The following KMT2C variants were observed in gnomAD, a reference collection of about 807,000 sequenced individuals.
KMT2C encodes lysine methyltransferase 2C, also known as histone-lysine N-methyltransferase 2C.
In KMT2C, 88 loss-of-function variants were observed where a neutral mutation model predicts 507.9. That is an observed-to-expected ratio of 0.17 (90% CI 0.15 to 0.21). The LOEUF (loss-of-function observed/expected upper bound fraction) is 0.21, where lower values mean the gene tolerates loss of function less well. Among genes scored for constraint, KMT2C ranks in the 10% least tolerant of loss-of-function variants. The pLI is 1.00. For synonymous variants in KMT2C, 2,049 were observed against 2,080.8 expected, an observed-to-expected ratio of 0.98 and a Z score of 0.42; for missense variants, 4,954 against 5,957.8, an observed-to-expected ratio of 0.83 and a Z score of 5.55.
intron 3 of KMT2C, among the ~76,000 whole-genome samples, chr7:152,321,403 T>A (rs2129206313): frequency 6.6e-6 from 1 of 151,890 alleles, no homozygotes; most frequent in Non-Finnish European, 1.5e-5. Flanking sequence ...TTCAATATAT[T>A]ACTGGAAGTC....
intron 11 of KMT2C, 22 bp from the exon 12 acceptor site, chr7:152,250,988 C>A (rs1353250852): frequency 7.5e-7 from 1 of 1,340,520 alleles, no homozygotes; most frequent in Non-Finnish European, 1.1e-6. Flanking sequence ...ATTATTAATT[C>A]TTTAGCTCAG....
chr7:152,301,727 GATAC>G (rs1202469048), intron 6 of KMT2C, among the ~76,000 whole-genome samples: 1 of 151,562 alleles, frequency 6.6e-6, no homozygotes, highest in African/African-American at 2.4e-5. Context: ...GAAAATGAGG[GATAC>G]ATACTTTAAG....
chr7:152,274,019 A>G (rs2096027720), intron 6 of KMT2C, 152 bp from the exon 7 acceptor site: 10 of 678,484 alleles, frequency 1.5e-5, no homozygotes, highest in Middle Eastern at 4.9e-4. Flanking sequence ...TAAAAATAAT[A>G]AAATCTACAT....
At chr7:152,217,558 T>C (rs1588300444) in intron 23 of KMT2C, among the ~76,000 whole-genome samples, 1 of 152,284 alleles carries the variant, frequency 6.6e-6, no homozygotes, top group East Asian at 1.9e-4. Context: ...AATTCTAAAA[T>C]TGTCTTAGCA....
intron 1 of KMT2C, among the ~76,000 whole-genome samples, chr7:152,388,404 CA>C (rs1381222789): frequency 6.6e-6 from 1 of 151,920 alleles, no homozygotes; most frequent in Non-Finnish European, 1.5e-5. Flanking sequence ...ACTAAAAATA[CA>C]AAAATTAGCC....
At chr7:152,383,949 T>G (rs73487331) in intron 1 of KMT2C, among the ~76,000 whole-genome samples, 2 of 151,178 alleles carry the variant, frequency 1.3e-5, no homozygotes, top group Non-Finnish European at 3.0e-5. Context: ...CTTTTTTAGA[T>G]GGCCTCCTTT....
At chr7:152,259,448 A>ACACACACACG (rs2095724297) in intron 9 of KMT2C, among the ~76,000 whole-genome samples, 1 of 57,386 alleles carries the variant, frequency 1.7e-5, no homozygotes, top group East Asian at 3.9e-4. Flanking sequence ...ACACACGCGC[A>ACACACACACG]CACACACACA....
At chr7:152,418,545 C>T (rs2097759853) in intron 1 of KMT2C, among the ~76,000 whole-genome samples, 1 of 152,132 alleles carries the variant, frequency 6.6e-6, no homozygotes, top group Non-Finnish European at 1.5e-5. Context: ...ATTCTCCTGC[C>T]TCAGCCTCCT....
At position 152,179,845 on chromosome 7, in the gene KMT2C, A is replaced by C; in HGVS notation, c.7431T>G (p.Pro2477=). 1 of 1,613,364 alleles carries C rather than the reference A, an allele frequency of 6.2e-7. No individual in the cohort carries two copies. The highest frequency in any genetic ancestry group is 8.5e-7 in the Non-Finnish European group (1 of 1,179,642). Residue 2477 remains proline, a synonymous_variant, in exon 37 of 59, where the codon CCT becomes CCG. Transcript: ENST00000262189. ...ATTAAAAGCATTACCTAAATCCATG[A>C]GGTCTCATCCCCATACTAGCAACAT... ...PPDVASMGMR[P]HGFRFGFPGG...
chr7:152,349,376 G>A (rs138811450), intron 2 of KMT2C, among the ~76,000 whole-genome samples: 7 of 150,686 alleles, frequency 4.6e-5, no homozygotes, highest in South Asian at 2.1e-4. Flanking sequence ...ACCGGGAGGC[G>A]GAGACTGCAG....
At position 152,144,096 on chromosome 7, in the gene KMT2C, C is replaced by T. The variant is rs1042168821; in HGVS notation, c.14343+617G>A. Among the ~76,000 whole-genome samples, 2 of 152,086 alleles carry T rather than the reference C, an allele frequency of 1.3e-5. No homozygotes were observed. The highest frequency in any genetic ancestry group is 4.8e-5 in the African/African-American group (2 of 41,420). On this transcript the variant is annotated intron_variant, in intron 55 of 58. Coordinates refer to ENST00000262189, the MANE Select transcript of KMT2C (RefSeq NM_170606.3). The surrounding 1 kb of genome is among the most constrained non-coding windows in gnomAD (Gnocchi z 4.4). ...ACTCAGCAAGGAGCTTGTAGGATGG[C>T]GGGGTTTAGGAGCTGGACAAGTTTG...
rs587778492 is a variant in KMT2C at position 152,182,502 on chromosome 7, C to CTGT, written c.5355_5357dup (p.Gln1787dup). 3.2e-5 allele frequency: 51 copies of CTGT among 1,613,786 alleles called. No individual in the cohort carries two copies. Among genetic ancestry groups the CTGT allele is most frequent in the Non-Finnish European group, 4.0e-5 (47 of 1,179,884 alleles). On this transcript the variant is annotated inframe_insertion, in exon 36 of 59. Transcript: ENST00000262189. Reference sequence around the variant, plus strand: ...CCAGAAGATGCTGAGAACCAAATTGCTGTTGTTGCTGCTGCTGCTGCTCAT... The same window carrying CTGT: ...CCAGAAGATGCTGAGAACCAAATTGCTGTTGTTGTTGCTGCTGCTGCTGCTCAT...
At chr7:152,189,043 C>T (rs2093712269) in intron 31 of KMT2C, among the ~76,000 whole-genome samples, 1 of 152,152 alleles carries the variant, frequency 6.6e-6, no homozygotes, top group Admixed American at 6.5e-5. Flanking sequence ...ACTTACAGTT[C>T]AGCCCCCAAA....
At chr7:152,211,378 G>C (rs1285306839) in intron 23 of KMT2C, among the ~76,000 whole-genome samples, 1 of 152,118 alleles carries the variant, frequency 6.6e-6, no homozygotes, top group Non-Finnish European at 1.5e-5. Context: ...CACCCAAATA[G>C]AGGGAAAAAA....
chr7:152,233,430 C>T (rs546210547), intron 16 of KMT2C, among the ~76,000 whole-genome samples: 19 of 152,058 alleles, frequency 1.2e-4, no homozygotes, highest in African/African-American at 4.3e-4. Context: ...GTGTCCCTTC[C>T]AAGCAGGGAC....
chr7:152,268,682 T>C (rs1437211972), intron 7 of KMT2C, among the ~76,000 whole-genome samples: 4 of 152,216 alleles, frequency 2.6e-5, no homozygotes, highest in Non-Finnish European at 5.9e-5. Context: ...AATATGTACA[T>C]TTAAAAATTG....
intron 1 of KMT2C, among the ~76,000 whole-genome samples, chr7:152,375,408 C>T (rs377292075): frequency 2.7e-5 from 4 of 150,848 alleles, no homozygotes; most frequent in East Asian, 3.9e-4. Flanking sequence ...TTTTTTGAGA[C>T]GGAGTCTTGC....
At chr7:152,375,791 T>C (rs189140688) in intron 1 of KMT2C, among the ~76,000 whole-genome samples, 2 of 152,304 alleles carry the variant, frequency 1.3e-5, no homozygotes, top group East Asian at 1.9e-4. Flanking sequence ...ATTATTATTA[T>C]ATCTGTGATA....
At position 152,280,369 on chromosome 7, in the gene KMT2C, C is replaced by T. The variant is rs545322772; in HGVS notation, c.850-6502G>A. Among the ~76,000 whole-genome samples the T allele has an allele frequency of 6.1e-3, 926 of 151,834 alleles. 9 individuals carry two copies. The highest frequency in any genetic ancestry group is 0.021 in the African/African-American group (870 of 41,348). On this transcript the variant is annotated intron_variant, in intron 6 of 58. Transcript: ENST00000262189. Reference sequence around the variant, plus strand: ...CATCCTGGCTAACACGGTAAAACCCCGTCTCTACTAAAAATAAAAATAAAA... The same window carrying T: ...CATCCTGGCTAACACGGTAAAACCCTGTCTCTACTAAAAATAAAAATAAAA...
Sources: allele counts gnomAD v4.1 joint callset (sites outside exome capture counted in the v4.1 genomes callset), GRCh38; gene constraint gnomAD v4.1.1; non-coding constraint Gnocchi (gnomAD v3.1); transcripts MANE v1.5; gene names NCBI Gene and HGNC (gene_info 2026-07-23, HGNC 2026-07-21).